Variants in OMD observed in about 807,000 individuals in gnomAD.
The protein encoded by OMD is osteomodulin.
OMD carries 19 observed loss-of-function variants against 31.2 expected under a neutral mutation model. The observed-to-expected ratio is 0.61, with a 90% CI of 0.42 to 0.89. The LOEUF is 0.89. OMD is among the 40% of genes least tolerant of loss of function. The pLI is 0.00. For missense variants in OMD, 448 were observed against 490.8 expected (o/e 0.91, Z 0.82); for synonymous variants, 155 against 166.4 (o/e 0.93, Z 0.53).
chr9:92,416,068 A>ATATT (rs1236767686), intron 2 of OMD, among the ~76,000 whole-genome samples: 42 of 136,998 alleles, frequency 3.1e-4, no homozygotes, highest in East Asian at 1.5e-3. Context: ...GTATATATAT[A>ATATT]TATTTATTTA....
At chr9:92,415,848 AATAT>A (rs1019567222) in intron 2 of OMD, among the ~76,000 whole-genome samples, 2 of 146,270 alleles carry the variant, frequency 1.4e-5, no homozygotes, top group East Asian at 2.0e-4. Context: ...TATATAAAAA[AATAT>A]ATATATATAA....
chr9:92,420,770 C>G (rs1843767831), intron 1 of OMD, among the ~76,000 whole-genome samples: 1 of 150,992 alleles, frequency 6.6e-6, no homozygotes. Context: ...TTTTTTTTAA[C>G]AATATGTGCT....
chr9:92,414,566 C>CT lies in OMD; in HGVS notation c.*585dup, dbSNP rs1843531988. 1 of 209,274 alleles carries CT rather than the reference C, an allele frequency of 4.8e-6. No homozygotes were observed. 13.0% of individuals were successfully genotyped at this position (209,274 alleles called of 1,614,324 possible). ...TCTGTATGCCTTGGGTCCTTAGTAC[C>CT]TGGATGGCCTCTTACAAATCAAAAA... On this transcript the variant is annotated 3_prime_UTR_variant, in exon 3 of 3. Coordinates refer to ENST00000375550, the MANE Select transcript of OMD (RefSeq NM_005014.3).
At chr9:92,416,072 T>A (rs2398750) in intron 2 of OMD, among the ~76,000 whole-genome samples, 50,124 of 124,534 alleles carry the variant, frequency 0.4, 10,597 homozygotes, top group African/African-American at 0.56. Context: ...ATATATATAT[T>A]TATTTATTTA....
At position 92,414,162 on chromosome 9, in the gene OMD, A is replaced by G. The variant is rs1436006714; in HGVS notation, c.*990T>C. 1 of 173,172 alleles carries G rather than the reference A, an allele frequency of 5.8e-6. No homozygotes were observed. Among genetic ancestry groups the G allele is most frequent in the Non-Finnish European group, 1.2e-5 (1 of 80,068 alleles). 10.7% of individuals were successfully genotyped at this position (173,172 alleles called of 1,614,324 possible). On this transcript the variant is annotated 3_prime_UTR_variant, in exon 3 of 3. Transcript: ENST00000375550. ...AAAAGTGATTTTTAAGGTTTTAAAG[A>G]AGATGTTAAAACCTGTCATTCAAAT... is the stretch of plus-strand genomic sequence containing the variant.
rs1441167577 is a variant in OMD at position 92,412,833 on chromosome 9, C to T, written c.*2319G>A. The stretch of plus-strand genomic sequence containing the variant: ...ATGGATATACCACATTTTGTTTATC[C>T]ATTGATGGACATGTGGGTGATTTCT... On this transcript the variant is annotated 3_prime_UTR_variant, in exon 3 of 3. Transcript: ENST00000375550. 7.2e-5 allele frequency among the ~76,000 whole-genome samples: 11 copies of T among 152,004 alleles called. No homozygotes were observed. The highest frequency in any genetic ancestry group is 7.2e-4 in the Admixed American group (11 of 15,262).
chr9:92,416,960 T>A lies in OMD; in HGVS notation c.599A>T (p.Asp200Val). ...AAAGATTTTGTCTTTTAGCAGAGAA[T>A]CATGAAGATAATTATAACAGAGATC... ...MLDLCYNYLH[D>V]SLLKDKIFAK... Residue 200 changes from aspartate (D) to valine (V), a missense_variant, in exon 2 of 3, where the codon GAT becomes GTT. By Grantham distance (152) the Asp-to-Val change is radical. Transcript: ENST00000375550. 1.9e-6 allele frequency: 3 copies of A among 1,613,954 alleles called. No individual in the cohort carries two copies.
At position 92,414,578 on chromosome 9, in the gene OMD, T is replaced by C. The variant is rs1457095405; in HGVS notation, c.*574A>G. Reference sequence around the variant, plus strand: ...GGGTCCTTAGTACCTGGATGGCCTCTTACAAATCAAAAATATCATTCTATG... The same window carrying C: ...GGGTCCTTAGTACCTGGATGGCCTCCTACAAATCAAAAATATCATTCTATG... On this transcript the variant is annotated 3_prime_UTR_variant, in exon 3 of 3. Transcript: ENST00000375550. The C allele has an allele frequency of 4.8e-6, 1 of 209,498 alleles. No individual in the cohort carries two copies. Among genetic ancestry groups the C allele is most frequent in the Non-Finnish European group, 9.7e-6 (1 of 102,970 alleles). The allele number at this position is 209,498 out of a possible 1,614,324, so 13.0% of individuals were successfully genotyped here.
rs751751420 is a variant in OMD, at chr9:92,417,559, C to T, written c.-1G>A. ...CATATATTGGACTTAAAAAACCCAT[C>T]TTCTTTTTTTTTTTCCTATTGCAAG... is the stretch of plus-strand genomic sequence containing the variant. On this transcript the variant is annotated 5_prime_UTR_variant, in exon 2 of 3. Coordinates refer to ENST00000375550, the MANE Select transcript of OMD (RefSeq NM_005014.3). 9 of 1,544,164 alleles carry T rather than the reference C, an allele frequency of 5.8e-6. No homozygotes were observed. The highest frequency in any genetic ancestry group is 7.8e-6 in the Non-Finnish European group (9 of 1,147,032).
intron 1 of OMD, among the ~76,000 whole-genome samples, chr9:92,421,838 A>G (rs1413596719): frequency 6.6e-6 from 1 of 152,152 alleles, no homozygotes; most frequent in African/African-American, 2.4e-5. Context: ...GCAGAGGGTA[A>G]TATCCTTTAT....
rs749784877 is a variant in OMD, at chr9:92,415,448, T to C, written c.970A>G (p.Ile324Val). Residue 324 changes from isoleucine to valine, a missense_variant, in exon 3 of 3, where the codon ATT (isoleucine) becomes GTT (valine). Coordinates refer to ENST00000375550, the MANE Select transcript of OMD (RefSeq NM_005014.3). ...AAATGGTGGTAATGTAGTGGGTCAA[T>C]AGAAGGACACATCACTGTAAGATTC... is the stretch of plus-strand genomic sequence containing the variant. ...KMNLTVMCPS[I>V]DPLHYHHLTY... 5 of 1,610,820 alleles carry C rather than the reference T, an allele frequency of 3.1e-6. No individual in the cohort carries two copies. Among genetic ancestry groups the C allele is most frequent in the Non-Finnish European group, 1.7e-6 (2 of 1,178,256 alleles).
At chr9:92,418,027 C>T (rs1843670660) in intron 1 of OMD, among the ~76,000 whole-genome samples, 1 of 151,878 alleles carries the variant, frequency 6.6e-6, no homozygotes, top group South Asian at 2.1e-4. Context: ...CACGCCTGGC[C>T]TCAAACCAAA....
intron 1 of OMD, among the ~76,000 whole-genome samples, chr9:92,423,577 T>G (rs1279178661): frequency 6.6e-6 from 1 of 152,152 alleles, no homozygotes; most frequent in Non-Finnish European, 1.5e-5. Context: ...ATTTTTTTGC[T>G]ATTAAAAATA....
chr9:92,424,056 ATAACT>A (rs1843894373), intron 1 of OMD, 141 bp downstream of exon 1: 1 of 152,218 alleles, frequency 6.6e-6, no homozygotes, highest in African/African-American at 2.4e-5. Context: ...AAAGTTTAAC[ATAACT>A]TTTTTACCAG....
At chr9:92,419,396 G>A (rs2130965025) in intron 1 of OMD, among the ~76,000 whole-genome samples, 1 of 151,050 alleles carries the variant, frequency 6.6e-6, no homozygotes, top group East Asian at 1.9e-4. Flanking sequence ...CACCTCCTGG[G>A]TTTAAGCAAT....
rs558420304 is a variant in OMD at position 92,421,256 on chromosome 9, T to C, written c.-17+2946A>G. 2.6e-5 allele frequency among the ~76,000 whole-genome samples: 4 copies of C among 152,256 alleles called. No homozygotes were observed. In the East Asian group the frequency reaches 5.8e-4, roughly 22 times the overall value. ...GGTTTTGCCATGTTGCTCAGGCTGG[T>C]CATGAACTTCTGGGCTCAACCAGTC... is the stretch of plus-strand genomic sequence containing the variant. On this transcript the variant is annotated intron_variant, in intron 1 of 2. Coordinates refer to ENST00000375550, the MANE Select transcript of OMD (RefSeq NM_005014.3).
At chr9:92,421,983 A>G (rs979102190) in intron 1 of OMD, among the ~76,000 whole-genome samples, 1 of 152,076 alleles carries the variant, frequency 6.6e-6, no homozygotes, top group African/African-American at 2.4e-5. Context: ...TATACATTTT[A>G]TACTCATTGA....
chr9:92,415,607 G>T (rs1843568881), intron 2 of OMD, 130 bp from the exon 3 acceptor site: 2 of 419,598 alleles, frequency 4.8e-6, no homozygotes, highest in Non-Finnish European at 7.9e-6. Flanking sequence ...AATTGAATTA[G>T]GTTTCCTTTT....
At chr9:92,418,988 T>G (rs1410461354) in intron 1 of OMD, among the ~76,000 whole-genome samples, 2 of 152,172 alleles carry the variant, frequency 1.3e-5, no homozygotes, top group East Asian at 3.8e-4. Context: ...TACAAAAATA[T>G]TATTAAAAAC....
Sources: gnomAD v4.1 joint callset for allele counts (sites outside exome capture counted in the v4.1 genomes callset) on GRCh38, gnomAD v4.1.1 for gene constraint, MANE v1.5 for transcripts, NCBI Gene and HGNC (gene_info 2026-07-23, HGNC 2026-07-21) for gene names.